The following SLC4A4 variants were observed in gnomAD, a reference collection of about 807,000 sequenced individuals.
SLC4A4 encodes the protein solute carrier family 4 member 4.
Under a neutral mutation model 111.5 loss-of-function variants are expected in SLC4A4, and 27 were observed. The observed-to-expected ratio is 0.24, with a 90% confidence interval of 0.18 to 0.33. The LOEUF is 0.33. Ranked by LOEUF, SLC4A4 falls within the 10% of genes least tolerant of loss-of-function variation. SLC4A4 has a pLI of 1.00. For missense variants in SLC4A4, 909 were observed against 1,315.5 expected (o/e 0.69, Z 4.78); for synonymous variants, 443 against 463.4 (o/e 0.96, Z 0.57).
intron 6 of SLC4A4, among the ~76,000 whole-genome samples, chr4:71,394,595 A>G (rs1719627357): frequency 6.6e-6 from 1 of 152,154 alleles, no homozygotes; most frequent in Non-Finnish European, 1.5e-5. Context: ...ACTGGAAAAC[A>G]GTGTAGAAAT....
At chr4:71,422,782 C>A (rs1722680171) in intron 7 of SLC4A4, among the ~76,000 whole-genome samples, 1 of 152,228 alleles carries the variant, frequency 6.6e-6, no homozygotes, top group East Asian at 1.9e-4. Flanking sequence ...TGACAAAATT[C>A]AACAACCCTT....
intron 25 of SLC4A4, among the ~76,000 whole-genome samples, chr4:71,567,445 T>C (rs1737587796): frequency 6.6e-6 from 1 of 151,854 alleles, no homozygotes; most frequent in Non-Finnish European, 1.5e-5. Flanking sequence ...CAGATTCTAC[T>C]TGATTTTCTG....
intron 1 of SLC4A4, among the ~76,000 whole-genome samples, chr4:71,091,803 T>A (rs550899891): frequency 1.3e-5 from 2 of 152,330 alleles, no homozygotes; most frequent in Middle Eastern, 3.4e-3. Context: ...CAAAACTGCA[T>A]GTATTCTGCA....
chr4:71,156,904 T>C (rs1454845170), intron 2 of SLC4A4, among the ~76,000 whole-genome samples: 3 of 152,170 alleles, frequency 2.0e-5, no homozygotes, highest in African/African-American at 7.2e-5. Flanking sequence ...CTTAGGAGTT[T>C]TATTTTTACA....
At chr4:71,549,141 G>T (rs1735779644) in intron 20 of SLC4A4, among the ~76,000 whole-genome samples, 1 of 151,856 alleles carries the variant, frequency 6.6e-6, no homozygotes, top group Non-Finnish European at 1.5e-5. Context: ...CTTATGTTCT[G>T]CAGGGACAGA....
In SLC4A4 at chr4:71,501,638, TTTAA is replaced by T. The variant is rs566473449; in HGVS notation, c.2166+3954_2166+3957del. The stretch of plus-strand genomic sequence containing the variant: ...ATTATTTATTTATTTTTATTTTTAA[TTTAA>T]TTAATTAGTTAATATTTTTTGTTTG... On this transcript the variant is annotated intron_variant, in intron 16 of 25. Coordinates refer to ENST00000264485, the MANE Select transcript of SLC4A4 (RefSeq NM_001098484.3). Among the ~76,000 whole-genome samples, 101 of 151,220 alleles carry T rather than the reference TTTAA, an allele frequency of 6.7e-4. 1 individual carries two copies. Among genetic ancestry groups the T allele is most frequent in the Middle Eastern group, 3.4e-3 (1 of 294 alleles).
intron 16 of SLC4A4, among the ~76,000 whole-genome samples, chr4:71,504,949 A>G (rs1350418626): frequency 2.0e-5 from 3 of 152,132 alleles, no homozygotes; most frequent in Non-Finnish European, 2.9e-5. Context: ...CTCATCATTT[A>G]ACTTCCACTT....
rs550636031 is a variant in SLC4A4 at position 71,454,006 on chromosome 4, C to T, written c.1497+337C>T. On this transcript the variant is annotated intron_variant, in intron 12 of 25. Transcript: ENST00000264485. ...CTTCTACTAGTTTGACTATGTGGAA[C>T]ATATTCTGTTAAACTTGATGATTAC... Among the ~76,000 whole-genome samples, 4 of 152,278 alleles carry T rather than the reference C, an allele frequency of 2.6e-5. No individual in the cohort carries two copies. The South Asian group carries it at 8.3e-4, about 32-fold the overall frequency.
At chr4:71,217,570 AAAAAC>A (rs925289538) in intron 1 of SLC4A4, among the ~76,000 whole-genome samples, 4 of 152,192 alleles carry the variant, frequency 2.6e-5, no homozygotes, top group African/African-American at 9.6e-5. Flanking sequence ...CTCAAAAAAC[AAAAAC>A]AAAAACAAAC....
At position 71,496,026 on chromosome 4, in the gene SLC4A4, G is replaced by A. The variant is rs148645970; in HGVS notation, c.1975-1475G>A. 5.4e-4 allele frequency among the ~76,000 whole-genome samples: 82 copies of A among 152,160 alleles called. 1 individual carries two copies. In the East Asian group the frequency reaches 0.014, roughly 26 times the overall value. On this transcript the variant is annotated intron_variant, in intron 15 of 25. Coordinates refer to ENST00000264485, the MANE Select transcript of SLC4A4 (RefSeq NM_001098484.3). ...AACTTAGGTAAAGGATATTTAAGAA[G>A]ATTCAAACATCAGTATAAGGGCGAT...
At chr4:71,309,534 T>C (rs1052140208) in intron 3 of SLC4A4, among the ~76,000 whole-genome samples, 2 of 151,972 alleles carry the variant, frequency 1.3e-5, no homozygotes, top group Admixed American at 6.6e-5. Flanking sequence ...ACCAGGCAAA[T>C]AGGGTCTGGA....
chr4:71,147,670 A>T (rs1186241275), intron 2 of SLC4A4, among the ~76,000 whole-genome samples: 1 of 152,124 alleles, frequency 6.6e-6, no homozygotes, highest in Non-Finnish European at 1.5e-5. Flanking sequence ...GTGACATGGA[A>T]CATCACATTT....
Position 71,451,139 on chromosome 4 carries a change from A to T in SLC4A4, c.1209-49A>T, listed in dbSNP as rs369556183. ...CAGAGCATGATACAGCTAAGAAGCG[A>T]ATGAATAAAATAAACTAATATACTC... is the stretch of plus-strand genomic sequence containing the variant. On this transcript the variant is annotated intron_variant, in intron 10 of 25. Transcript: ENST00000264485. The T allele has an allele frequency of 2.2e-4, 268 of 1,208,598 alleles. 2 individuals are homozygous for T. In the Middle Eastern group the frequency reaches 3.6e-3, roughly 16 times the overall value. 74.9% of individuals were successfully genotyped at this position (1,208,598 alleles called of 1,614,324 possible).
chr4:71,253,587 T>C (rs1189678977), intron 2 of SLC4A4, among the ~76,000 whole-genome samples: 1 of 152,148 alleles, frequency 6.6e-6, no homozygotes, highest in Admixed American at 6.5e-5. Flanking sequence ...TGTTAAGACT[T>C]GAGATAAAAC....
At chr4:71,151,714 T>C (rs1744315652) in intron 2 of SLC4A4, among the ~76,000 whole-genome samples, 1 of 148,452 alleles carries the variant, frequency 6.7e-6, no homozygotes, top group South Asian at 2.2e-4. Context: ...ACCCCGGGAG[T>C]TCAAGGCTAG....
chr4:71,405,390 G>T (rs1720749766), intron 7 of SLC4A4, among the ~76,000 whole-genome samples: 1 of 151,960 alleles, frequency 6.6e-6, no homozygotes, highest in Admixed American at 6.6e-5. Flanking sequence ...TCTAAAATTT[G>T]ATTTTTTTAA....
chr4:71,147,172 C>G (rs1744198835), intron 2 of SLC4A4, among the ~76,000 whole-genome samples: 1 of 152,272 alleles, frequency 6.6e-6, no homozygotes, highest in East Asian at 1.9e-4. Flanking sequence ...ACAAACTTTT[C>G]TCTCTTTTTT....
chr4:71,105,819 C>A (rs1408607395), intron 2 of SLC4A4, among the ~76,000 whole-genome samples: 1 of 79,984 alleles, frequency 1.3e-5, no homozygotes, highest in East Asian at 4.0e-4. Context: ...CATAAAAACC[C>A]TAGAAGAAAA....
intron 1 of SLC4A4, among the ~76,000 whole-genome samples, chr4:71,063,736 A>G (rs1741445226): frequency 6.6e-6 from 1 of 152,114 alleles, no homozygotes; most frequent in South Asian, 2.1e-4. Flanking sequence ...AGACACTTGC[A>G]TTGTAACTTC....
Sources: gnomAD v4.1 joint callset for allele counts (sites outside exome capture counted in the v4.1 genomes callset) on GRCh38, gnomAD v4.1.1 for gene constraint, MANE v1.5 for transcripts, NCBI Gene and HGNC (gene_info 2026-07-23, HGNC 2026-07-21) for gene names.